The following SYNE1 variants were observed in gnomAD, a reference collection of about 807,000 sequenced individuals.
SYNE1 encodes the protein spectrin repeat containing nuclear envelope protein 1.
A neutral mutation model predicts 1,111.0 loss-of-function variants in SYNE1; 616 were observed. The ratio of observed to expected loss-of-function variants is 0.55; its 90% CI spans 0.52 to 0.59. SYNE1 has a LOEUF of 0.59. Ranked by LOEUF, SYNE1 falls within the 20% of genes least tolerant of loss-of-function variation. SYNE1 has a pLI of 0.00. For synonymous variants in SYNE1, 3,855 were observed against 3,825.8 expected, an observed-to-expected ratio of 1.01 and a Z score of -0.28; for missense variants, 10,006 against 10,417.0, an observed-to-expected ratio of 0.96 and a Z score of 1.72.
chr6:152,244,482 A>T lies in SYNE1; in HGVS notation c.19692+55T>A, dbSNP rs112785724. 9 of 1,612,894 alleles carry T rather than the reference A, an allele frequency of 5.6e-6. No individual in the cohort carries two copies. In the East Asian group the frequency reaches 2.0e-4, roughly 36 times the overall value. On this transcript the variant is annotated intron_variant, in intron 106 of 145. Transcript: ENST00000367255. Reference sequence around the variant, plus strand: ...CAAGAAAAATAAAGTGATTTTTTCTAGACTTCAAGTTTGATGTACCCCTGC... The same window carrying T: ...CAAGAAAAATAAAGTGATTTTTTCTTGACTTCAAGTTTGATGTACCCCTGC...
At position 152,143,675 on chromosome 6, in the gene SYNE1, A is replaced by C; in HGVS notation, c.25067T>G (p.Ile8356Ser). ...RFQIQQTENI[I>S]RSKTPTGPEL... is the part of the protein sequence containing the mutation. ...CGGCCCCGTGGGAGTTTTGCTGCGA[A>C]TGATATTTTCGGTTTGCTGTATCTG... The change falls in exon 138 of 146, where the codon ATT becomes AGT. Residue 8356 changes from isoleucine (I) to serine (S), a missense_variant. Around this residue, in one of 7 missense-constraint regions of SYNE1, gnomAD observed 761 missense variants for 795.5 expected, o/e 0.96. Transcript: ENST00000367255. 6.2e-7 allele frequency: 1 copy of C among 1,614,200 alleles called. No individual in the cohort carries two copies. Among genetic ancestry groups the C allele is most frequent in the Non-Finnish European group, 8.5e-7 (1 of 1,180,040 alleles).
Position 152,484,824 on chromosome 6 carries a change from G to A in SYNE1, c.1185+11C>T, listed in dbSNP as rs2098930962. On this transcript the variant is annotated intron_variant, in intron 13 of 145. Transcript: ENST00000367255. ...ATTAAGCTCAGTATAACTAATTGTG[G>A]GAGAACTTACCCTGGAGGTCACTCT... 4 of 1,613,484 alleles carry A rather than the reference G, an allele frequency of 2.5e-6. No individual in the cohort carries two copies. The South Asian group carries it at 3.3e-5, about 13-fold the overall frequency.
At chr6:152,364,672 G>GAGGAAGC (rs2154076010) in intron 63 of SYNE1, among the ~76,000 whole-genome samples, 175 bp downstream of exon 63, 1 of 137,238 alleles carries the variant, frequency 7.3e-6, no homozygotes, top group Admixed American at 7.5e-5. Flanking sequence ...GGGAGGGAAG[G>GAGGAAGC]AGGAAGGAGG....
chr6:152,510,297 A>C lies in SYNE1; in HGVS notation c.477T>G (p.Val159=). 6.2e-7 allele frequency: 1 copy of C among 1,614,084 alleles called. No homozygotes were observed. The highest frequency in any genetic ancestry group is 8.5e-7 in the Non-Finnish European group (1 of 1,179,992). The change falls in exon 8 of 146, where the codon GTT becomes GTG. Residue 159 remains valine (V), a synonymous_variant. Coordinates refer to ENST00000367255, the MANE Select transcript of SYNE1 (RefSeq NM_182961.4). ...SSSASSVDSI[V]SSETPSPPSK... ...TTGGTGGGCTGGGAGTCTCAGAGCTAACTATGCTGTCCACGGAGGATGCGC... is the reference window on the plus strand; with the variant it reads ...TTGGTGGGCTGGGAGTCTCAGAGCTCACTATGCTGTCCACGGAGGATGCGC...
At chr6:152,493,660 C>T (rs2098983871) in intron 11 of SYNE1, among the ~76,000 whole-genome samples, 2 of 152,158 alleles carry the variant, frequency 1.3e-5, no homozygotes, top group African/African-American at 2.4e-5. Flanking sequence ...TAATGCAACT[C>T]CCCCGTCAAA....
chr6:152,388,670 T>A (rs1249933773), intron 53 of SYNE1, among the ~76,000 whole-genome samples: 3 of 152,196 alleles, frequency 2.0e-5, no homozygotes, highest in African/African-American at 7.2e-5. Flanking sequence ...CCAAAATACA[T>A]CCTGTGCTGG....
At chr6:152,128,839 A>C (rs35878677) in intron 145 of SYNE1, 15,477 of 152,312 alleles carry the variant, frequency 0.1, 1,016 homozygotes, top group Non-Finnish European at 0.14. Context: ...CTTCCCCAGC[A>C]GACTCTGCCT....
chr6:152,597,411 G>T (rs2128597639), intron 3 of SYNE1, among the ~76,000 whole-genome samples: 1 of 152,256 alleles, frequency 6.6e-6, no homozygotes, highest in African/African-American at 2.4e-5. Flanking sequence ...CTCCTGAGTA[G>T]CTGGGACTAC....
intron 74 of SYNE1, among the ~76,000 whole-genome samples, chr6:152,340,898 G>C (rs2096522203): frequency 6.6e-6 from 1 of 152,200 alleles, no homozygotes; most frequent in Non-Finnish European, 1.5e-5. Context: ...CTGACAGGGG[G>C]TGGTGGCTGA....
chr6:152,300,685 G>C lies in SYNE1; in HGVS notation c.17638C>G (p.Arg5880Gly). 1 of 1,614,178 alleles carries C rather than the reference G, an allele frequency of 6.2e-7. No homozygotes were observed. Among genetic ancestry groups the C allele is most frequent in the Non-Finnish European group, 8.5e-7 (1 of 1,180,026 alleles). Residue 5880 changes from arginine (R) to glycine (G), a missense_variant, in exon 93 of 146, where the codon CGC becomes GGC. Transcript: ENST00000367255. ...GTATTAGCCACAGGTGAAGGGGAGC[G>C]ACAGGCAGGTGGAGAGGAAATCTCA... ...NSEISSPPACRSPSPVANTDA... is the reference protein window; with the variant it reads ...NSEISSPPACGSPSPVANTDA...
intron 115 of SYNE1, among the ~76,000 whole-genome samples, chr6:152,228,519 A>G (rs2082085093): frequency 6.6e-6 from 1 of 152,234 alleles, no homozygotes; most frequent in Non-Finnish European, 1.5e-5. Context: ...TATGTTAAAG[A>G]GAAGAAAAAA....
intron 3 of SYNE1, among the ~76,000 whole-genome samples, chr6:152,562,398 A>G (rs1052959326): frequency 6.6e-6 from 1 of 152,202 alleles, no homozygotes; most frequent in Non-Finnish European, 1.5e-5. Context: ...AAAGATAACA[A>G]GTGTTGGTGA....
chr6:152,273,192 C>T (rs1488987867), intron 98 of SYNE1, among the ~76,000 whole-genome samples: 1 of 152,328 alleles, frequency 6.6e-6, no homozygotes, highest in Non-Finnish European at 1.5e-5. Flanking sequence ...TTAAAGAATT[C>T]CCGTGGACCT....
chr6:152,436,250 A>C (rs568204733), intron 32 of SYNE1, 149 bp from the exon 33 acceptor site: 30 of 853,720 alleles, frequency 3.5e-5, no homozygotes, highest in Non-Finnish European at 4.7e-5. Context: ...TTAACAATAA[A>C]TCTGACTTAT....
intron 115 of SYNE1, 50 bp from the exon 116 acceptor site, chr6:152,225,926 T>C (rs976037790): frequency 3.2e-6 from 5 of 1,576,916 alleles, no homozygotes; most frequent in Admixed American, 1.7e-5. Context: ...TATGGAACTC[T>C]GGGGTGCACT....
chr6:152,463,461 A>T lies in SYNE1; in HGVS notation c.1989T>A (p.Ala663=). The change falls in exon 19 of 146, where the codon GCT becomes GCA. Residue 663 remains alanine (A), a synonymous_variant. Coordinates refer to ENST00000367255, the MANE Select transcript of SYNE1 (RefSeq NM_182961.4). Reference sequence around the variant, plus strand: ...CACAGGTTTCAATTAGAAAATTGCCAGCATCGTTCATGGCAGTATGCTGCT... The same window carrying T: ...CACAGGTTTCAATTAGAAAATTGCCTGCATCGTTCATGGCAGTATGCTGCT... ...WIQQHTAMND[A]GNFLIETCDE... 1 of 1,613,786 alleles carries T rather than the reference A, an allele frequency of 6.2e-7. No individual in the cohort carries two copies. The highest frequency in any genetic ancestry group is 1.3e-5 in the African/African-American group (1 of 75,034).
At chr6:152,398,982 A>G (rs1309005935) in intron 48 of SYNE1, among the ~76,000 whole-genome samples, 2 of 152,232 alleles carry the variant, frequency 1.3e-5, no homozygotes, top group Non-Finnish European at 2.9e-5. Flanking sequence ...TGTTCCTGGA[A>G]TGTCTAATAT....
Position 152,281,974 on chromosome 6 carries a change from A to G in SYNE1, c.18214T>C (p.Leu6072=), listed in dbSNP as rs747009172. 11 of 1,613,770 alleles carry G rather than the reference A, an allele frequency of 6.8e-6. No individual in the cohort carries two copies. Among genetic ancestry groups the G allele is most frequent in the Non-Finnish European group, 9.3e-6 (11 of 1,180,034 alleles). ...SGKRQLLEEK[L]NDQLEEQRQE... ...CTTTGTTCCTCCAGCTGATCATTCA[A>G]CTTCTCCTGTTGAATTCAGTAGAAG... The change falls in exon 97 of 146, where the codon TTG becomes CTG. Residue 6072 remains leucine (L), a synonymous_variant. Transcript: ENST00000367255.
intron 3 of SYNE1, among the ~76,000 whole-genome samples, chr6:152,627,603 G>C (rs76935014): frequency 2.0e-5 from 3 of 152,126 alleles, no homozygotes; most frequent in African/African-American, 7.2e-5. Flanking sequence ...GTTGGAGTGA[G>C]CCGAGATAGT....
Sources: gnomAD v4.1 joint callset for allele counts (sites outside exome capture counted in the v4.1 genomes callset) on GRCh38, gnomAD v4.1.1 for gene constraint, gnomAD v4.1.1 regional missense constraint, MANE v1.5 for transcripts, NCBI Gene and HGNC (gene_info 2026-07-23, HGNC 2026-07-21) for gene names.